The following LRP1B variants were observed in gnomAD, a reference collection of about 807,000 sequenced individuals.
LRP1B encodes the protein low-density lipoprotein receptor-related protein 1B.
Under a neutral mutation model 556.6 loss-of-function variants are expected in LRP1B, and 217 were observed. The observed-to-expected ratio is 0.39, with a 90% CI of 0.35 to 0.44. The LOEUF is 0.44. Ranked by LOEUF, LRP1B falls within the 20% of genes least tolerant of loss-of-function variation. The probability of loss-of-function intolerance (pLI) is 1.00; values close to 1 mark genes in which losing one functional copy is unlikely to be tolerated. For synonymous variants in LRP1B, 2,047 were observed against 1,865.8 expected (o/e 1.10, Z -2.50); for missense variants, 5,053 against 5,620.8 (o/e 0.90, Z 3.23).
intron 3 of LRP1B, among the ~76,000 whole-genome samples, chr2:141,282,019 T>C (rs1685527196): frequency 6.6e-6 from 1 of 152,076 alleles, no homozygotes; most frequent in African/African-American, 2.4e-5. Context: ...TTTCTAAAAA[T>C]ATATATTTTC....
chr2:141,304,677 T>G (rs1173385216), intron 3 of LRP1B, among the ~76,000 whole-genome samples: 1 of 151,530 alleles, frequency 6.6e-6, no homozygotes, highest in Non-Finnish European at 1.5e-5. Context: ...TATTTTTTAT[T>G]TTTAGTAGAG....
At chr2:141,250,346 T>A (rs1265011965) in intron 4 of LRP1B, among the ~76,000 whole-genome samples, 1 of 152,046 alleles carries the variant, frequency 6.6e-6, no homozygotes, top group Non-Finnish European at 1.5e-5. Context: ...CAGCCCCATC[T>A]CCTGACCTCC....
At chr2:140,370,081 C>T (rs955329356) in intron 71 of LRP1B, among the ~76,000 whole-genome samples, 2 of 151,980 alleles carry the variant, frequency 1.3e-5, no homozygotes, top group African/African-American at 4.8e-5. Context: ...GTAACAATTG[C>T]TACGTTTAAT....
intron 3 of LRP1B, among the ~76,000 whole-genome samples, chr2:141,451,520 T>A (rs537146469): frequency 6.6e-6 from 1 of 152,326 alleles, no homozygotes; most frequent in Admixed American, 6.5e-5. Flanking sequence ...TGTAGGCACC[T>A]GTGGATAATT....
intron 84 of LRP1B, among the ~76,000 whole-genome samples, chr2:140,293,320 A>G (rs1158699197): frequency 6.6e-6 from 1 of 152,166 alleles, no homozygotes; most frequent in Non-Finnish European, 1.5e-5. Flanking sequence ...GTTTATTTTT[A>G]TTTATACTAG....
chr2:140,442,749 T>C, intron 65 of LRP1B, 126 bp from the exon 66 acceptor site: 1 of 840,296 alleles, frequency 1.2e-6, no homozygotes, highest in African/African-American at 1.7e-5. Flanking sequence ...TTAATAGGAC[T>C]CTGAAGGTGA....
intron 7 of LRP1B, among the ~76,000 whole-genome samples, chr2:141,159,142 T>G (rs1381490335): frequency 6.6e-6 from 1 of 152,198 alleles, no homozygotes; most frequent in East Asian, 1.9e-4. Context: ...TGCCTAAATA[T>G]GTATCACATT....
chr2:141,808,918 G>T (rs60862295), intron 2 of LRP1B, among the ~76,000 whole-genome samples: 4,981 of 152,136 alleles, frequency 0.033, 294 homozygotes, highest in African/African-American at 0.11. Flanking sequence ...GTAGCATGTA[G>T]GAGTACTTCA....
intron 2 of LRP1B, among the ~76,000 whole-genome samples, chr2:141,514,340 C>G (rs903563630): frequency 6.6e-6 from 1 of 152,186 alleles, no homozygotes; most frequent in African/African-American, 2.4e-5. Flanking sequence ...CTATCTTGCT[C>G]TCCATCCACG....
chr2:140,480,305 G>A lies in LRP1B; in HGVS notation c.9426-4968C>T, dbSNP rs577786113. On this transcript the variant is annotated intron_variant, in intron 59 of 90. Coordinates refer to ENST00000389484, the MANE Select transcript of LRP1B (RefSeq NM_018557.3). ...ATTCTAAAATATCAAGTTACAGAGGGTAAAATGTGTCTTTCTAAATTTATT... is the reference window on the plus strand; with the variant it reads ...ATTCTAAAATATCAAGTTACAGAGGATAAAATGTGTCTTTCTAAATTTATT... Among the ~76,000 whole-genome samples, 11 of 152,270 alleles carry A rather than the reference G, an allele frequency of 7.2e-5. No individual in the cohort carries two copies. In the South Asian group the frequency reaches 2.1e-3, roughly 29 times the overall value.
At chr2:140,882,537 T>C (rs1407574576) in intron 25 of LRP1B, among the ~76,000 whole-genome samples, 1 of 152,192 alleles carries the variant, frequency 6.6e-6, no homozygotes, top group Non-Finnish European at 1.5e-5. Context: ...ATATTTTAAA[T>C]TTTGACAACT....
At chr2:141,919,393 T>G (rs923789255) in intron 1 of LRP1B, among the ~76,000 whole-genome samples, 2 of 152,046 alleles carry the variant, frequency 1.3e-5, no homozygotes, top group African/African-American at 4.8e-5. Context: ...TTTCCTGCAC[T>G]AATATAAGAA....
chr2:141,052,385 T>C (rs1699061378), intron 10 of LRP1B, among the ~76,000 whole-genome samples: 1 of 152,062 alleles, frequency 6.6e-6, no homozygotes, highest in African/African-American at 2.4e-5. Context: ...TTTACTGTAA[T>C]GACTTTTTGT....
At chr2:142,093,003 C>T (rs771064471) in intron 1 of LRP1B, among the ~76,000 whole-genome samples, 8 of 152,168 alleles carry the variant, frequency 5.3e-5, no homozygotes, top group East Asian at 1.9e-4. Context: ...ATAGACCCTG[C>T]GTGATCTCCC....
At chr2:141,107,576 G>T (rs143493463) in intron 7 of LRP1B, among the ~76,000 whole-genome samples, 2,699 of 152,214 alleles carry the variant, frequency 0.018, 38 homozygotes, top group Middle Eastern at 0.031. Flanking sequence ...AACCCAGAAG[G>T]TGGAGGTTGC....
intron 1 of LRP1B, among the ~76,000 whole-genome samples, chr2:142,079,352 T>C (rs1705627347): frequency 6.6e-6 from 1 of 151,644 alleles, no homozygotes. Flanking sequence ...AATACTTAAA[T>C]ATATGTTGGA....
At chr2:141,135,376 T>G (rs1490158977) in intron 7 of LRP1B, among the ~76,000 whole-genome samples, 2 of 152,024 alleles carry the variant, frequency 1.3e-5, no homozygotes, top group Non-Finnish European at 2.9e-5. Context: ...AGTTGAGTGC[T>G]GCAGGTGGCA....
chr2:141,084,325 G>A (rs774573962), intron 7 of LRP1B, among the ~76,000 whole-genome samples: 10 of 152,094 alleles, frequency 6.6e-5, no homozygotes, highest in Non-Finnish European at 1.2e-4. Context: ...CCCAGTGTGC[G>A]CATTCCCATT....
At chr2:140,747,624 T>C (rs1346398515) in intron 35 of LRP1B, among the ~76,000 whole-genome samples, 2 of 152,130 alleles carry the variant, frequency 1.3e-5, no homozygotes, top group Non-Finnish European at 2.9e-5. Context: ...GGTGTAGTCA[T>C]TTTTGGAAAT....
Sources: allele counts gnomAD v4.1 joint callset (sites outside exome capture counted in the v4.1 genomes callset), GRCh38; gene constraint gnomAD v4.1.1; transcripts MANE v1.5; gene names NCBI Gene and HGNC (gene_info 2026-07-23, HGNC 2026-07-21).